SLC8A1: variants seen among roughly 807,000 people sequenced by gnomAD.
SLC8A1 encodes solute carrier family 8 member A1.
A neutral mutation model predicts 68.3 loss-of-function variants in SLC8A1; 18 were observed. That is an observed-to-expected ratio of 0.26 (90% CI 0.18 to 0.39). SLC8A1 has a LOEUF of 0.39. SLC8A1 is among the 10% of genes least tolerant of loss of function. The pLI, the probability that SLC8A1 is intolerant of heterozygous loss-of-function variation, is 1.00. For missense variants in SLC8A1, 985 were observed against 1,156.7 expected (o/e 0.85, Z 2.15); for synonymous variants, 475 against 415.5 (o/e 1.14, Z -1.74).
chr2:40,335,153 A>T, intron 2 of SLC8A1, among the ~76,000 whole-genome samples: 1 of 152,234 alleles, frequency 6.6e-6, no homozygotes, highest in Middle Eastern at 3.2e-3. Flanking sequence ...GATATGATAT[A>T]GATATACAAT....
intron 6 of SLC8A1, among the ~76,000 whole-genome samples, chr2:40,145,691 G>T (rs2148333585): frequency 6.6e-6 from 1 of 152,288 alleles, no homozygotes; most frequent in South Asian, 2.1e-4. Context: ...AAAACAGAAT[G>T]GTGATTCAAT....
intron 1 of SLC8A1, among the ~76,000 whole-genome samples, chr2:40,466,817 G>C (rs1489458882): frequency 6.6e-6 from 1 of 152,002 alleles, no homozygotes; most frequent in East Asian, 1.9e-4. Context: ...TCCAATACAT[G>C]CTGCTTAATT....
exon 8 of SLC8A1, chr2:40,104,089 G>C (rs1055341846): frequency 2.0e-5 from 3 of 152,212 alleles, no homozygotes; most frequent in South Asian, 2.1e-4. Flanking sequence ...TTTCCAAAGA[G>C]AAAAGCCTTT....
At chr2:40,441,544 T>G (rs1021303974) in intron 1 of SLC8A1, among the ~76,000 whole-genome samples, 1 of 151,748 alleles carries the variant, frequency 6.6e-6, no homozygotes, top group Non-Finnish European at 1.5e-5. Context: ...ATCAAAACAG[T>G]ACGGTACGGG....
chr2:40,455,256 T>C (rs1358395052), upstream of SLC8A1, among the ~76,000 whole-genome samples: 3 of 152,224 alleles, frequency 2.0e-5, no homozygotes, highest in African/African-American at 7.2e-5. Context: ...AATTTAGACA[T>C]GTGATCAGGT....
At chr2:40,424,550 T>A (rs1696364995) in intron 2 of SLC8A1, among the ~76,000 whole-genome samples, 1 of 151,834 alleles carries the variant, frequency 6.6e-6, no homozygotes, top group African/African-American at 2.4e-5. Context: ...GGTTAAGATG[T>A]CTTACACATA....
intron 6 of SLC8A1, among the ~76,000 whole-genome samples, chr2:40,150,572 G>A (rs2043234253): frequency 6.6e-6 from 1 of 152,182 alleles, no homozygotes; most frequent in African/African-American, 2.4e-5. Context: ...ACCCAGTGAT[G>A]GCACATTGTT....
chr2:40,315,431 C>T (rs2074306384), intron 2 of SLC8A1, among the ~76,000 whole-genome samples: 1 of 146,740 alleles, frequency 6.8e-6, no homozygotes, highest in South Asian at 2.2e-4. Flanking sequence ...CATTTTCTTT[C>T]CTAAGAATTT....
At chr2:40,493,090 C>A (rs540294956) in intron 1 of SLC8A1, among the ~76,000 whole-genome samples, 7 of 152,036 alleles carry the variant, frequency 4.6e-5, no homozygotes, top group Admixed American at 3.9e-4. Context: ...GACTTGGAAC[C>A]AATCCAAATG....
intron 2 of SLC8A1, among the ~76,000 whole-genome samples, chr2:40,215,566 A>G (rs1273889226): frequency 7.1e-6 from 1 of 141,774 alleles, no homozygotes; most frequent in East Asian, 2.1e-4. Flanking sequence ...GAACCCGGGA[A>G]GCGGAGCTTG....
Position 40,331,597 on chromosome 2 carries a change from G to A in SLC8A1, c.1808+96876C>T, listed in dbSNP as rs2076415521. Among the ~76,000 whole-genome samples, 4 of 151,658 alleles carry A rather than the reference G, an allele frequency of 2.6e-5. No homozygotes were observed. In the South Asian group the frequency reaches 8.3e-4, roughly 32 times the overall value. ...TTTTTATTTATTTATTTTATTTTATGTTTATTTTTTTTTTGAGACGGAGTC... is the reference window on the plus strand; with the variant it reads ...TTTTTATTTATTTATTTTATTTTATATTTATTTTTTTTTTGAGACGGAGTC... On this transcript the variant is annotated intron_variant, in intron 2 of 7. Transcript: ENST00000406785.
intron 2 of SLC8A1, among the ~76,000 whole-genome samples, chr2:40,277,475 G>A (rs1314191735): frequency 1.3e-5 from 2 of 152,062 alleles, no homozygotes; most frequent in Non-Finnish European, 2.9e-5. Flanking sequence ...CGGAGGCAGA[G>A]GTTGCAGTGA....
intron 2 of SLC8A1, among the ~76,000 whole-genome samples, chr2:40,388,693 A>G (rs1400439289): frequency 6.6e-6 from 1 of 152,162 alleles, no homozygotes; most frequent in African/African-American, 2.4e-5. Flanking sequence ...GCTTGGACCA[A>G]ATCAAATAAC....
intron 1 of SLC8A1, among the ~76,000 whole-genome samples, chr2:40,431,094 G>T (rs1486173318): frequency 1.3e-5 from 2 of 152,130 alleles, no homozygotes; most frequent in African/African-American, 4.8e-5. Flanking sequence ...TACATTAGCA[G>T]CTGGGCATCT....
At chr2:40,242,199 C>T (rs1370547685) in intron 2 of SLC8A1, among the ~76,000 whole-genome samples, 2 of 151,908 alleles carry the variant, frequency 1.3e-5, no homozygotes, top group African/African-American at 4.8e-5. Context: ...TATGACAATA[C>T]TTTGGAGAAA....
chr2:40,211,563 A>T (rs183570736), intron 2 of SLC8A1, among the ~76,000 whole-genome samples: 1 of 152,348 alleles, frequency 6.6e-6, no homozygotes, highest in East Asian at 1.9e-4. Context: ...GGTGGTGGGA[A>T]GAGAAACACA....
intron 7 of SLC8A1, chr2:40,116,723 A>C (rs895362106): frequency 1.3e-5 from 2 of 152,252 alleles, no homozygotes; most frequent in African/African-American, 4.8e-5. Context: ...ATGCTTTCTC[A>C]TGGTGCTTTT....
In SLC8A1 at chr2:40,174,726, T is replaced by A; in HGVS notation, c.1930+99A>T. 6.4e-7 allele frequency: 1 copy of A among 1,550,674 alleles called. No individual in the cohort carries two copies. The highest frequency in any genetic ancestry group is 8.9e-7 in the Non-Finnish European group (1 of 1,129,236). Reference sequence around the variant, plus strand: ...CTTACCAAACAGGTATTTTCCTTCATTAAAAGCAAATAAAAATGAGAAATT... The same window carrying A: ...CTTACCAAACAGGTATTTTCCTTCAATAAAAGCAAATAAAAATGAGAAATT... On this transcript the variant is annotated intron_variant, in intron 4 of 7. Transcript: ENST00000406785.
chr2:40,417,437 T>A (rs1020681333), intron 2 of SLC8A1, among the ~76,000 whole-genome samples: 1 of 152,178 alleles, frequency 6.6e-6, no homozygotes, highest in East Asian at 1.9e-4. Context: ...ATTACAACAT[T>A]TTATTGGCTC....
Sources: allele counts gnomAD v4.1 joint callset (sites outside exome capture counted in the v4.1 genomes callset), GRCh38; gene constraint gnomAD v4.1.1; transcripts MANE v1.5; gene names NCBI Gene and HGNC (gene_info 2026-07-23, HGNC 2026-07-21).